Variants in ANXA13 observed in about 807,000 individuals in gnomAD.
ANXA13 encodes annexin A13, also known as annexin XIII.
ANXA13 carries 36 observed loss-of-function variants against 46.6 expected under a neutral mutation model. The ratio of observed to expected loss-of-function variants is 0.77; its 90% CI spans 0.59 to 1.02. The LOEUF is 1.02. ANXA13 is among the 50% of genes least tolerant of loss of function. ANXA13 has a pLI of 0.00. For synonymous variants in ANXA13, 163 were observed against 152.9 expected (o/e 1.07, Z -0.49); for missense variants, 417 against 396.5 (o/e 1.05, Z -0.44).
chr8:123,712,571 T>C, intron 2 of ANXA13, 107 bp downstream of exon 2: 1 of 990,708 alleles, frequency 1.0e-6, no homozygotes, highest in Non-Finnish European at 1.6e-6. Flanking sequence ...TAGCTCGGAA[T>C]ACACAAGATA....
chr8:123,706,676 CG>C (rs1813546661), intron 2 of ANXA13, among the ~76,000 whole-genome samples: 1 of 152,204 alleles, frequency 6.6e-6, no homozygotes, highest in African/African-American at 2.4e-5. Flanking sequence ...CCAGAACAAC[CG>C]TTCTGAAGTG....
At chr8:123,695,773 A>G in intron 4 of ANXA13, 52 bp from the exon 5 acceptor site, 4 of 1,480,850 alleles carry the variant, frequency 2.7e-6, no homozygotes, top group Non-Finnish European at 3.8e-6. Flanking sequence ...GGATTAATCA[A>G]TAAGAGATAC....
intron 3 of ANXA13, among the ~76,000 whole-genome samples, chr8:123,699,395 C>T (rs1414626487): frequency 5.9e-5 from 9 of 152,022 alleles, no homozygotes; most frequent in Admixed American, 5.9e-4. Flanking sequence ...GTTGTCCAGG[C>T]TAATCTCAAA....
At chr8:123,684,251 T>C (rs1021525879) in intron 10 of ANXA13, among the ~76,000 whole-genome samples, 6 of 152,222 alleles carry the variant, frequency 3.9e-5, no homozygotes, top group Admixed American at 3.9e-4. Flanking sequence ...ATCATTCTCT[T>C]TTTGTTCCTG....
chr8:123,719,028 T>G (rs1030778482), intron 1 of ANXA13, among the ~76,000 whole-genome samples: 1 of 152,222 alleles, frequency 6.6e-6, no homozygotes, highest in African/African-American at 2.4e-5. Flanking sequence ...TAGGAACATC[T>G]TCCAGGTTGC....
intron 1 of ANXA13, among the ~76,000 whole-genome samples, chr8:123,731,276 C>G (rs997129012): frequency 8.5e-5 from 13 of 152,082 alleles, no homozygotes; most frequent in Admixed American, 8.5e-4. Context: ...ACTCGTGGCT[C>G]TCAACTTTGG....
chr8:123,729,944 C>T (rs1005759786), intron 1 of ANXA13, among the ~76,000 whole-genome samples: 2 of 152,152 alleles, frequency 1.3e-5, no homozygotes, highest in Non-Finnish European at 2.9e-5. Flanking sequence ...CCTTACATCC[C>T]TGGGATGTGC....
Position 123,701,008 on chromosome 8 carries a change from G to C in ANXA13, c.186+1634C>G, listed in dbSNP as rs115173448. On this transcript the variant is annotated intron_variant, in intron 3 of 10. Coordinates refer to ENST00000419625, the MANE Select transcript of ANXA13 (RefSeq NM_004306.4). ...CAGCTAATTTTTTATTTTTGGTAGA[G>C]ATGAAGGTCTCAACTGGTCTCAAAC... 2.3e-3 allele frequency among the ~76,000 whole-genome samples: 355 copies of C among 152,166 alleles called. 1 individual carries two copies. The highest frequency in any genetic ancestry group is 8.5e-3 in the African/African-American group (352 of 41,542).
rs1270763556 is a variant in ANXA13, at chr8:123,693,253, C to G, written c.586G>C (p.Val196Leu). 6.2e-7 allele frequency: 1 copy of G among 1,614,198 alleles called. No individual in the cohort carries two copies. The highest frequency in any genetic ancestry group is 8.5e-7 in the Non-Finnish European group (1 of 1,180,030). The change falls in exon 8 of 11, where the codon GTC becomes CTC. Residue 196 changes from valine to leucine, a missense_variant. Physicochemically the swap from Val to Leu is conservative, Grantham distance 32. Transcript: ENST00000419625. ...WGTDELAFNE[V>L]LAKRSYKQLR... The stretch of plus-strand genomic sequence containing the variant: ...TGCTTGTAGCTCCTCTTGGCCAGGA[C>G]TTCATTGAACGCAAGCTCATCAGTG...
intron 3 of ANXA13, 57 bp downstream of exon 3, chr8:123,702,585 G>T: frequency 7.1e-7 from 1 of 1,408,522 alleles, no homozygotes; most frequent in Non-Finnish European, 1.0e-6. Context: ...ACATGAGGAA[G>T]CCGAGACGGC....
chr8:123,698,557 C>A lies in ANXA13; in HGVS notation c.189G>T (p.Glu63Asp). 1 of 1,613,934 alleles carries A rather than the reference C, an allele frequency of 6.2e-7. No individual in the cohort carries two copies. The highest frequency in any genetic ancestry group is 8.5e-7 in the Non-Finnish European group (1 of 1,179,864). The change falls in exon 4 of 11, where the codon GAG becomes GAT. Residue 63 changes from glutamate (E) to aspartate (D), a missense_variant and splice_region_variant. Transcript: ENST00000419625. Reference protein sequence around the residue: ...KQKYKATYGKELEEVLKSELS... With the variant: ...KQKYKATYGKDLEEVLKSELS... ...GCTCACTCTTGAGTACTTCCTCCAG[C>A]TCCTACCAGAAGACAGTGAGAGACG...
chr8:123,688,319 A>G (rs538680961), intron 9 of ANXA13, among the ~76,000 whole-genome samples: 1 of 152,260 alleles, frequency 6.6e-6, no homozygotes, highest in Admixed American at 6.5e-5. Context: ...GCCACCATGT[A>G]AGCTGTGCCT....
At chr8:123,708,807 C>T (rs1813596942) in intron 2 of ANXA13, among the ~76,000 whole-genome samples, 1 of 152,150 alleles carries the variant, frequency 6.6e-6, no homozygotes, top group Non-Finnish European at 1.5e-5. Context: ...GTGTCTGTTC[C>T]TTGCCCCTCC....
At chr8:123,736,106 C>T (rs879792881) in intron 1 of ANXA13, among the ~76,000 whole-genome samples, 4 of 152,102 alleles carry the variant, frequency 2.6e-5, no homozygotes, top group Non-Finnish European at 5.9e-5. Context: ...TATGAAAATG[C>T]TATTTGTAGA....
intron 9 of ANXA13, among the ~76,000 whole-genome samples, chr8:123,686,115 G>T (rs1813136033): frequency 6.6e-6 from 1 of 152,134 alleles, no homozygotes; most frequent in South Asian, 2.1e-4. Flanking sequence ...AACCTCTGTT[G>T]TTAGCAGCAG....
chr8:123,696,634 C>T (rs1267748607), intron 4 of ANXA13, among the ~76,000 whole-genome samples: 4 of 150,538 alleles, frequency 2.7e-5, no homozygotes, highest in South Asian at 2.1e-4. Flanking sequence ...GGGGAGAAAG[C>T]GGTGGGGAGC....
intron 6 of ANXA13, among the ~76,000 whole-genome samples, chr8:123,695,192 G>T (rs948835210): frequency 2.6e-5 from 4 of 152,016 alleles, no homozygotes; most frequent in Non-Finnish European, 4.4e-5. Context: ...ACCTGGGCAG[G>T]TTACCCACCC....
At chr8:123,703,345 G>A (rs532193553) in intron 2 of ANXA13, among the ~76,000 whole-genome samples, 13 of 152,160 alleles carry the variant, frequency 8.5e-5, no homozygotes, top group African/African-American at 2.9e-4. Flanking sequence ...GCTGGGGGTG[G>A]GTGGGCTGCC....
intron 4 of ANXA13, among the ~76,000 whole-genome samples, chr8:123,697,369 G>A (rs1813360264): frequency 6.6e-6 from 1 of 152,128 alleles, no homozygotes; most frequent in Admixed American, 6.5e-5. Flanking sequence ...CTCCCGGGGG[G>A]CCTGTGCTAA....
Sources: allele counts gnomAD v4.1 joint callset (sites outside exome capture counted in the v4.1 genomes callset), GRCh38; gene constraint gnomAD v4.1.1; transcripts MANE v1.5; gene names NCBI Gene and HGNC (gene_info 2026-07-23, HGNC 2026-07-21).